Variants in C8orf34 observed in about 807,000 individuals in gnomAD.
C8orf34 encodes the protein chromosome 8 open reading frame 34.
In C8orf34, 65 loss-of-function variants were observed where a neutral mutation model predicts 68.3. The ratio of observed to expected loss-of-function variants is 0.95; its 90% CI spans 0.78 to 1.17. The LOEUF (loss-of-function observed/expected upper bound fraction) is 1.17. Among genes scored for constraint, C8orf34 ranks in the 50% most tolerant of loss-of-function variants. The probability of loss-of-function intolerance (pLI) is 0.00; values close to 1 mark genes in which losing one functional copy is unlikely to be tolerated. For missense variants in C8orf34, 664 were observed against 655.4 expected (o/e 1.01, Z -0.14); for synonymous variants, 244 against 241.2 (o/e 1.01, Z -0.11).
At chr8:68,485,316 G>A (rs764286706) in intron 4 of C8orf34, among the ~76,000 whole-genome samples, 25 of 152,178 alleles carry the variant, frequency 1.6e-4, no homozygotes, top group Non-Finnish European at 3.5e-4. Flanking sequence ...TCATAAATAT[G>A]AGGCCTAAAA....
intron 4 of C8orf34, among the ~76,000 whole-genome samples, chr8:68,485,878 A>G (rs1038743090): frequency 6.6e-6 from 1 of 151,828 alleles, no homozygotes; most frequent in East Asian, 1.9e-4. Context: ...CATATTATCT[A>G]TGCTCTCTTA....
At chr8:68,563,667 A>G (rs1239921404) in intron 7 of C8orf34, among the ~76,000 whole-genome samples, 1 of 152,064 alleles carries the variant, frequency 6.6e-6, no homozygotes, top group Non-Finnish European at 1.5e-5. Context: ...TAAAAAAAAA[A>G]AAGACATGAA....
chr8:68,372,163 C>A (rs373350490), intron 1 of C8orf34, among the ~76,000 whole-genome samples: 1 of 152,166 alleles, frequency 6.6e-6, no homozygotes, highest in Non-Finnish European at 1.5e-5. Flanking sequence ...ATCCTAAATA[C>A]TTTATCAATC....
At chr8:68,659,781 C>T (rs1370677646) in intron 8 of C8orf34, among the ~76,000 whole-genome samples, 1 of 152,018 alleles carries the variant, frequency 6.6e-6, no homozygotes, top group Non-Finnish European at 1.5e-5. Flanking sequence ...CATTTCAGCT[C>T]TTCATGAGTC....
At chr8:68,613,821 G>T (rs1051364685) in intron 7 of C8orf34, among the ~76,000 whole-genome samples, 1 of 151,998 alleles carries the variant, frequency 6.6e-6, no homozygotes, top group Non-Finnish European at 1.5e-5. Flanking sequence ...GGAATGGCTG[G>T]GTCAAATGGT....
At chr8:68,480,044 T>A (rs948917065) in intron 4 of C8orf34, among the ~76,000 whole-genome samples, 1 of 152,184 alleles carries the variant, frequency 6.6e-6, no homozygotes, top group Non-Finnish European at 1.5e-5. Context: ...ACAGAAAATG[T>A]TTTCAACTTT....
chr8:68,636,185 GA>G (rs1818835979), intron 7 of C8orf34, among the ~76,000 whole-genome samples: 1 of 152,122 alleles, frequency 6.6e-6, no homozygotes, highest in Non-Finnish European at 1.5e-5. Flanking sequence ...TTCTGAGTTG[GA>G]AATAGGGGTG....
Position 68,797,637 on chromosome 8 carries a change from T to C in C8orf34, c.1549+10101T>C, listed in dbSNP as rs1267016350. Among the ~76,000 whole-genome samples, 8 of 152,134 alleles carry C rather than the reference T, an allele frequency of 5.3e-5. No homozygotes were observed. In the East Asian group the frequency reaches 1.5e-3, roughly 29 times the overall value. Reference sequence around the variant, plus strand: ...TGTATTTGAGCAATATTTGAGATAGTGGTACTGGGGTGTTAGAGTTGATTA... The same window carrying C: ...TGTATTTGAGCAATATTTGAGATAGCGGTACTGGGGTGTTAGAGTTGATTA... On this transcript the variant is annotated intron_variant, in intron 12 of 13. Coordinates refer to ENST00000518698, the MANE Select transcript of C8orf34 (RefSeq NM_052958.4).
At chr8:68,534,238 A>C in intron 7 of C8orf34, 1 of 985,268 alleles carries the variant, frequency 1.0e-6, no homozygotes, top group Non-Finnish European at 1.2e-6. Flanking sequence ...CATTAAGGAG[A>C]TTGTATCATG....
At chr8:68,776,657 T>G (rs1186507059) in intron 11 of C8orf34, among the ~76,000 whole-genome samples, 1 of 152,218 alleles carries the variant, frequency 6.6e-6, no homozygotes, top group East Asian at 1.9e-4. Context: ...ATCAGTTCAG[T>G]GATCCTGAAC....
At chr8:68,351,540 C>A (rs965856888) in intron 1 of C8orf34, among the ~76,000 whole-genome samples, 5 of 152,096 alleles carry the variant, frequency 3.3e-5, no homozygotes, top group Non-Finnish European at 7.4e-5. Context: ...TGAACAATAT[C>A]CTGAAATATG....
intron 12 of C8orf34, among the ~76,000 whole-genome samples, chr8:68,793,249 A>G (rs1824066777): frequency 6.6e-6 from 1 of 152,186 alleles, no homozygotes; most frequent in Admixed American, 6.5e-5. Flanking sequence ...TAAACAGTGG[A>G]ATTTTCTTCA....
At chr8:68,585,809 C>A (rs1056602893) in intron 7 of C8orf34, among the ~76,000 whole-genome samples, 1 of 152,232 alleles carries the variant, frequency 6.6e-6, no homozygotes, top group Admixed American at 6.5e-5. Flanking sequence ...ACTCCCAGAA[C>A]AAGCAATCGA....
At chr8:68,372,180 CAGTT>C (rs1275107666) in intron 1 of C8orf34, among the ~76,000 whole-genome samples, 4 of 152,084 alleles carry the variant, frequency 2.6e-5, no homozygotes, top group Non-Finnish European at 4.4e-5. Context: ...AATCAGGAGT[CAGTT>C]AGAAAACGGA....
intron 7 of C8orf34, among the ~76,000 whole-genome samples, chr8:68,573,359 T>C (rs1386424463): frequency 6.6e-6 from 1 of 152,086 alleles, no homozygotes; most frequent in Admixed American, 6.6e-5. Context: ...GTCATTCCCA[T>C]AAGCAGAATG....
intron 7 of C8orf34, among the ~76,000 whole-genome samples, chr8:68,620,888 G>T (rs1346829829): frequency 6.6e-6 from 1 of 151,742 alleles, no homozygotes; most frequent in Non-Finnish European, 1.5e-5. Flanking sequence ...ATTGTAGTTT[G>T]TTTTGGGGCA....
At chr8:68,796,451 C>T (rs1197048139) in intron 12 of C8orf34, among the ~76,000 whole-genome samples, 1 of 152,052 alleles carries the variant, frequency 6.6e-6, no homozygotes, top group African/African-American at 2.4e-5. Flanking sequence ...GGGTATAGAA[C>T]CAGATTAAAT....
At chr8:68,717,584 T>TA (rs1821513271) in intron 9 of C8orf34, among the ~76,000 whole-genome samples, 2 of 152,220 alleles carry the variant, frequency 1.3e-5, no homozygotes, top group South Asian at 4.1e-4. Context: ...CCCACGGATA[T>TA]ATGAAGGTTA....
intron 3 of C8orf34, among the ~76,000 whole-genome samples, chr8:68,464,839 T>TA: frequency 6.6e-6 from 1 of 151,966 alleles, no homozygotes; most frequent in East Asian, 1.9e-4. Context: ...CCTAAAACCA[T>TA]AAAAACCCTA....
Sources: allele counts gnomAD v4.1 joint callset (sites outside exome capture counted in the v4.1 genomes callset), GRCh38; gene constraint gnomAD v4.1.1; transcripts MANE v1.5; gene names NCBI Gene and HGNC (gene_info 2026-07-23, HGNC 2026-07-21).